Variants in AKT3 observed in about 807,000 individuals in gnomAD.
The protein encoded by AKT3 is AKT serine/threonine kinase 3.
In AKT3, 15 loss-of-function variants were observed where a neutral mutation model predicts 65.3. That is an observed-to-expected ratio of 0.23 (90% CI 0.15 to 0.35). The LOEUF is 0.35. AKT3 is among the 10% of genes least tolerant of loss of function. The pLI is 1.00. For missense variants in AKT3, 243 were observed against 576.5 expected (o/e 0.42, Z 5.92); for synonymous variants, 206 against 183.8 (o/e 1.12, Z -0.98).
intron 2 of AKT3, among the ~76,000 whole-genome samples, chr1:243,825,421 C>T (rs1328934486): frequency 1.3e-5 from 2 of 152,174 alleles, no homozygotes; most frequent in African/African-American, 2.4e-5. Context: ...ACAATGACAA[C>T]TATTCAAATC....
chr1:243,515,386 G>GT (rs1670285152), intron 12 of AKT3, among the ~76,000 whole-genome samples: 1 of 142,600 alleles, frequency 7.0e-6, no homozygotes, highest in Admixed American at 6.9e-5. Flanking sequence ...CCTTTACCAT[G>GT]TTAAAAAAAA....
intron 2 of AKT3, among the ~76,000 whole-genome samples, chr1:243,839,270 TAA>T (rs1007451818): frequency 7.2e-5 from 11 of 152,108 alleles, no homozygotes; most frequent in African/African-American, 2.4e-4. Flanking sequence ...GGGAAAAAAT[TAA>T]GAGAAGTGCT....
intron 1 of AKT3, 50 bp from the exon 2 acceptor site, chr1:243,843,332 C>T (rs1478751287): frequency 1.5e-6 from 2 of 1,361,606 alleles, no homozygotes; most frequent in East Asian, 2.6e-5. Context: ...TTGCAACTCA[C>T]AGAGCAATAA....
At chr1:243,489,267 C>A in intron 13 of AKT3, 2 of 1,286,168 alleles carry the variant, frequency 1.6e-6, no homozygotes, top group Non-Finnish European at 1.1e-6. Context: ...GGAGGGAGGT[C>A]CCGAAGACTG....
rs186783324 is a variant in AKT3, at chr1:243,598,268, T to A, written c.696+15403A>T. ...GGTAAAATATTTTCATTGGAAGTAT[T>A]AAAAATCATATATAATAGTTGAATA... On this transcript the variant is annotated intron_variant, in intron 8 of 13. Transcript: ENST00000673466. Among the ~76,000 whole-genome samples, 479 of 152,282 alleles carry A rather than the reference T, an allele frequency of 3.1e-3. 5 individuals carry two copies. Among genetic ancestry groups the A allele is most frequent in the African/African-American group, 0.011 (449 of 41,582 alleles).
intron 8 of AKT3, among the ~76,000 whole-genome samples, chr1:243,589,306 CAAAAAAAAAA>C: frequency 2.4e-5 from 1 of 40,884 alleles, no homozygotes; most frequent in Non-Finnish European, 5.0e-5. Context: ...AACTCCATCT[CAAAAAAAAAA>C]AAAAAAAAGA....
At chr1:243,495,590 G>A (rs1035019311), downstream of AKT3, among the ~76,000 whole-genome samples, 2 of 152,216 alleles carry the variant, frequency 1.3e-5, no homozygotes, top group Non-Finnish European at 2.9e-5. Context: ...GAGGGGACGA[G>A]GCCCCTCAGT....
chr1:243,528,938 C>G (rs1671336242), intron 12 of AKT3, among the ~76,000 whole-genome samples: 1 of 152,114 alleles, frequency 6.6e-6, no homozygotes, highest in South Asian at 2.1e-4. Context: ...TAAGTGTTCC[C>G]ATTTCTCACA....
chr1:243,521,201 G>GT (rs1462908227), intron 12 of AKT3, among the ~76,000 whole-genome samples: 1 of 152,166 alleles, frequency 6.6e-6, no homozygotes, highest in African/African-American at 2.4e-5. Flanking sequence ...AACAACTGTG[G>GT]TTATTTCCAC....
At chr1:243,656,853 T>G (rs1681841819) in intron 4 of AKT3, among the ~76,000 whole-genome samples, 1 of 152,192 alleles carries the variant, frequency 6.6e-6, no homozygotes, top group South Asian at 2.1e-4. Flanking sequence ...GTCTATATTG[T>G]GGATGGTCAT....
chr1:243,755,723 TA>T (rs1450180108), intron 2 of AKT3, among the ~76,000 whole-genome samples: 1 of 152,150 alleles, frequency 6.6e-6, no homozygotes, highest in African/African-American at 2.4e-5. Flanking sequence ...AAGACCAGAA[TA>T]AAACTCTAAG....
intron 2 of AKT3, among the ~76,000 whole-genome samples, chr1:243,837,122 G>A (rs1694941742): frequency 6.6e-6 from 1 of 151,874 alleles, no homozygotes; most frequent in African/African-American, 2.4e-5. Context: ...AGGACGTCAA[G>A]GTCAGCCTGG....
At chr1:243,783,392 C>T (rs1691034492) in intron 2 of AKT3, among the ~76,000 whole-genome samples, 2 of 152,112 alleles carry the variant, frequency 1.3e-5, no homozygotes, top group African/African-American at 4.8e-5. Context: ...CATCCATGTG[C>T]CAGCAGGGTG....
At chr1:243,792,797 C>T (rs1310037304) in intron 2 of AKT3, among the ~76,000 whole-genome samples, 1 of 152,284 alleles carries the variant, frequency 6.6e-6, no homozygotes, top group East Asian at 1.9e-4. Flanking sequence ...GTAGCTAGAA[C>T]TATTTTCCAA....
intron 12 of AKT3, among the ~76,000 whole-genome samples, chr1:243,522,448 A>G (rs2148389285): frequency 6.6e-6 from 1 of 152,312 alleles, no homozygotes; most frequent in East Asian, 1.9e-4. Context: ...ACTTGAGGCC[A>G]GGAGTTCAAG....
chr1:243,516,439 T>C (rs1574517818), intron 12 of AKT3, among the ~76,000 whole-genome samples: 1 of 152,374 alleles, frequency 6.6e-6, no homozygotes, highest in Non-Finnish European at 1.5e-5. Flanking sequence ...TTTCCTTTCA[T>C]CAATTTTCTC....
rs58911364 is a variant in AKT3, at chr1:243,699,465, C to CTATATATATATATATATATATATA, written c.47-3773_47-3750dup. Among the ~76,000 whole-genome samples, 4 of 103,614 alleles carry CTATATATATATATATATATATATA rather than the reference C, an allele frequency of 3.9e-5. 1 individual carries two copies. The highest frequency in any genetic ancestry group is 7.2e-5 in the Non-Finnish European group (4 of 55,854). The allele number at this position is 103,614 out of a possible 152,430, so 68.0% of individuals were successfully genotyped here. ...AAGACTTCCAACCCAACCTCTTCCACTATATATATATATATATATATATAT... is the reference window on the plus strand; with the variant it reads ...AAGACTTCCAACCCAACCTCTTCCACTATATATATATATATATATATATATATATATATATATATATATATATAT... On this transcript the variant is annotated intron_variant, in intron 2 of 13. Transcript: ENST00000673466.
chr1:243,769,862 T>C (rs1366706516), intron 2 of AKT3, among the ~76,000 whole-genome samples: 1 of 152,228 alleles, frequency 6.6e-6, no homozygotes, highest in Non-Finnish European at 1.5e-5. Flanking sequence ...CTTGTGCTTT[T>C]GGTGTCAAAT....
At chr1:243,811,253 A>G (rs1226443154) in intron 2 of AKT3, among the ~76,000 whole-genome samples, 1 of 152,230 alleles carries the variant, frequency 6.6e-6, no homozygotes, top group African/African-American at 2.4e-5. Flanking sequence ...TGCAGATGAC[A>G]TGATTGTATA....
Sources: gnomAD v4.1 joint callset for allele counts (sites outside exome capture counted in the v4.1 genomes callset) on GRCh38, gnomAD v4.1.1 for gene constraint, MANE v1.5 for transcripts, NCBI Gene and HGNC (gene_info 2026-07-23, HGNC 2026-07-21) for gene names.